Variants in ADAM22 observed in about 807,000 individuals in gnomAD.
The protein encoded by ADAM22 is ADAM metallopeptidase domain 22.
A neutral mutation model predicts 144.6 loss-of-function variants in ADAM22; 65 were observed. The ratio of observed to expected loss-of-function variants is 0.45; its 90% CI spans 0.37 to 0.55. The LOEUF (loss-of-function observed/expected upper bound fraction) is 0.55. Ranked by LOEUF, ADAM22 falls within the 20% of genes least tolerant of loss-of-function variation. The probability of loss-of-function intolerance (pLI) is 0.00; values close to 1 mark genes in which losing one functional copy is unlikely to be tolerated. For synonymous variants in ADAM22, 391 were observed against 412.6 expected (o/e 0.95, Z 0.63); for missense variants, 974 against 1,184.9 (o/e 0.82, Z 2.61).
chr7:88,179,827 T>A (rs1029448510), intron 27 of ADAM22, among the ~76,000 whole-genome samples: 1 of 152,132 alleles, frequency 6.6e-6, no homozygotes, highest in African/African-American at 2.4e-5. Flanking sequence ...TATGTTCACA[T>A]TGAAGGAAGC....
Position 88,052,830 on chromosome 7 carries a change from G to A in ADAM22, c.324-22796G>A, listed in dbSNP as rs111504900. On this transcript the variant is annotated intron_variant, in intron 3 of 31. Transcript: ENST00000413139. ...TCTTCACTTGTGTTGGTACTTTCAG[G>A]CCTTTTTCACTAAACACTGTCTCTC... is the stretch of plus-strand genomic sequence containing the variant. 4.8e-3 allele frequency among the ~76,000 whole-genome samples: 729 copies of A among 152,152 alleles called. 5 individuals carry two copies. Among genetic ancestry groups the A allele is most frequent in the African/African-American group, 0.017 (693 of 41,510 alleles).
At chr7:88,154,313 G>A (rs1839287446) in intron 21 of ADAM22, among the ~76,000 whole-genome samples, 1 of 152,072 alleles carries the variant, frequency 6.6e-6, no homozygotes, top group East Asian at 1.9e-4. Context: ...TACACTTTTT[G>A]TCATTTCATT....
chr7:88,049,644 G>A (rs1016784477), intron 3 of ADAM22, among the ~76,000 whole-genome samples: 10 of 152,214 alleles, frequency 6.6e-5, no homozygotes, highest in Admixed American at 2.0e-4. Context: ...GTATCTGCCC[G>A]CCTTGGCCTC....
intron 2 of ADAM22, among the ~76,000 whole-genome samples, chr7:87,949,425 A>G (rs1403219330): frequency 6.6e-6 from 1 of 152,252 alleles, no homozygotes; most frequent in Non-Finnish European, 1.5e-5. Flanking sequence ...TGACAAAATC[A>G]TTCATGTCAC....
chr7:88,130,273 AT>A (rs200875448), intron 9 of ADAM22, 114 bp from the exon 10 acceptor site: 53,041 of 607,458 alleles, frequency 0.087, 2 homozygotes, highest in Non-Finnish European at 0.1. Context: ...TACAGAAAAG[AT>A]TTTTTTTTTT....
chr7:88,010,888 T>A (rs1355228426), intron 3 of ADAM22, among the ~76,000 whole-genome samples: 1 of 152,212 alleles, frequency 6.6e-6, no homozygotes, highest in Non-Finnish European at 1.5e-5. Flanking sequence ...TCCTCGTGTA[T>A]ACAGTAACTT....
intron 3 of ADAM22, among the ~76,000 whole-genome samples, chr7:87,981,730 A>G (rs938509200): frequency 1.3e-5 from 2 of 152,132 alleles, no homozygotes; most frequent in Admixed American, 1.3e-4. Flanking sequence ...CACCATGGAT[A>G]AAAGACAGGA....
At position 87,938,647 on chromosome 7, in the gene ADAM22, A is replaced by T. The variant is rs548929400; in HGVS notation, c.246+3461A>T. Among the ~76,000 whole-genome samples the T allele has an allele frequency of 4.3e-3, 657 of 151,220 alleles. 5 individuals are homozygous for T. The highest frequency in any genetic ancestry group is 0.015 in the African/African-American group (612 of 41,192). On this transcript the variant is annotated intron_variant, in intron 2 of 31. Coordinates refer to ENST00000413139, the MANE Select transcript of ADAM22 (RefSeq NM_001324418.2). ...TAAAAGGCATTTATTTATTTATTTT[A>T]TTTATTTTTTTCTTTTGAGATGGAG...
chr7:88,130,353 T>C, intron 9 of ADAM22, 35 bp from the exon 10 acceptor site: 1 of 1,564,912 alleles, frequency 6.4e-7, no homozygotes, highest in Non-Finnish European at 8.8e-7. Context: ...TCTGATCACT[T>C]TGCAAGACCT....
At chr7:87,944,215 A>G (rs917997550) in intron 2 of ADAM22, among the ~76,000 whole-genome samples, 1 of 151,134 alleles carries the variant, frequency 6.6e-6, no homozygotes, top group East Asian at 1.9e-4. Flanking sequence ...TAGTGAGGTT[A>G]GGGGATTTGA....
intron 2 of ADAM22, among the ~76,000 whole-genome samples, chr7:87,957,415 A>G (rs1436756958): frequency 6.6e-6 from 1 of 152,216 alleles, no homozygotes; most frequent in African/African-American, 2.4e-5. Context: ...ACCCTTGTAC[A>G]TACCACCCAG....
chr7:88,090,934 T>C (rs1819677218), intron 4 of ADAM22, among the ~76,000 whole-genome samples: 1 of 152,196 alleles, frequency 6.6e-6, no homozygotes. Context: ...GTCAGAGGAA[T>C]ACTCATTAAT....
intron 3 of ADAM22, among the ~76,000 whole-genome samples, chr7:87,982,076 C>T (rs1281809871): frequency 2.1e-5 from 3 of 143,370 alleles, no homozygotes; most frequent in East Asian, 2.2e-4. Context: ...TATACACACA[C>T]ACACACACAC....
chr7:88,175,260 A>G (rs1049249773), intron 26 of ADAM22, among the ~76,000 whole-genome samples: 56 of 152,156 alleles, frequency 3.7e-4, no homozygotes, highest in Non-Finnish European at 6.9e-4. Context: ...ATAATTATGA[A>G]CACATTAAGA....
intron 25 of ADAM22, among the ~76,000 whole-genome samples, chr7:88,171,223 A>T (rs904889677): frequency 1.3e-5 from 2 of 151,882 alleles, no homozygotes; most frequent in African/African-American, 4.8e-5. Flanking sequence ...ATGTTTGAAG[A>T]CCTGTGTTTG....
intron 3 of ADAM22, among the ~76,000 whole-genome samples, chr7:88,039,464 A>AAAAAAAAAAAAAAAAAT: frequency 4.1e-4 from 31 of 76,400 alleles, no homozygotes; most frequent in East Asian, 1.6e-3. Context: ...AAAAAAAAAA[A>AAAAAAAAAAAAAAAAAT]ATATATATAT....
At position 88,200,176 on chromosome 7, in the gene ADAM22, A is replaced by G. The variant is rs1370104487; in HGVS notation, c.*3685A>G. On this transcript the variant is annotated 3_prime_UTR_variant, in exon 32 of 32. Coordinates refer to ENST00000413139, the MANE Select transcript of ADAM22 (RefSeq NM_001324418.2). ...TATTCACTTTTTTCAGTGTTTTAAA[A>G]TAAGGTTTGTTCATTTATTCATTTT... is the stretch of plus-strand genomic sequence containing the variant. The G allele has an allele frequency of 6.6e-6, 1 of 152,228 alleles. No homozygotes were observed. The highest frequency in any genetic ancestry group is 2.4e-5 in the African/African-American group (1 of 41,464). 9.4% of individuals were successfully genotyped at this position (152,228 alleles called of 1,614,324 possible).
chr7:88,007,475 A>G (rs1437774151), intron 3 of ADAM22, among the ~76,000 whole-genome samples: 1 of 152,230 alleles, frequency 6.6e-6, no homozygotes, highest in African/African-American at 2.4e-5. Flanking sequence ...AGCTGGAGGC[A>G]TCAAGCTACC....
At chr7:88,083,770 T>C (rs1817642931) in intron 4 of ADAM22, among the ~76,000 whole-genome samples, 1 of 152,164 alleles carries the variant, frequency 6.6e-6, no homozygotes, top group Admixed American at 6.6e-5. Flanking sequence ...GTAATAATTA[T>C]GCCTGTCTCT....
Sources: allele counts gnomAD v4.1 joint callset (sites outside exome capture counted in the v4.1 genomes callset), GRCh38; gene constraint gnomAD v4.1.1; transcripts MANE v1.5; gene names NCBI Gene and HGNC (gene_info 2026-07-23, HGNC 2026-07-21).